The following ANK2 variants were observed in gnomAD, a reference collection of about 807,000 sequenced individuals.
ANK2 encodes the protein ankyrin-2.
In ANK2, 83 loss-of-function variants were observed where a neutral mutation model predicts 360.5. The observed-to-expected ratio is 0.23, with a 90% CI of 0.19 to 0.28. ANK2 has a LOEUF of 0.28. Ranked by LOEUF, ANK2 falls within the 10% of genes least tolerant of loss-of-function variation. The pLI is 1.00. For missense variants in ANK2, 4,201 were observed against 4,795.7 expected, an observed-to-expected ratio of 0.88 and a Z score of 3.66; for synonymous variants, 1,740 against 1,759.5, an observed-to-expected ratio of 0.99 and a Z score of 0.28.
intron 1 of ANK2, among the ~76,000 whole-genome samples, chr4:112,839,971 C>A (rs1324908437): frequency 1.4e-4 from 21 of 152,116 alleles, no homozygotes; most frequent in Admixed American, 1.3e-3. Flanking sequence ...TGAGCTATGG[C>A]CTATTGTTTC....
chr4:113,227,851 T>C (rs888050711), intron 4 of ANK2, among the ~76,000 whole-genome samples: 2 of 152,226 alleles, frequency 1.3e-5, no homozygotes, highest in Non-Finnish European at 2.9e-5. Context: ...TATTAGGTCA[T>C]TTATCATCCA....
chr4:112,795,035 A>G, the ANK2 span, among the ~76,000 whole-genome samples: 1 of 152,314 alleles, frequency 6.6e-6, no homozygotes, highest in South Asian at 2.1e-4. Flanking sequence ...ATGCTGCATA[A>G]TTTTTAATTT....
chr4:113,077,988 TGGG>T (rs33930363), intron 1 of ANK2, among the ~76,000 whole-genome samples: 115,425 of 151,798 alleles, frequency 0.76, 44,183 homozygotes, highest in Non-Finnish European at 0.82. Context: ...TGAGTGCCCT[TGGG>T]GGGAAACTCA....
intron 2 of ANK2, among the ~76,000 whole-genome samples, chr4:112,925,442 C>T (rs1315260057): frequency 6.6e-6 from 1 of 152,074 alleles, no homozygotes; most frequent in Admixed American, 6.5e-5. Context: ...TTTCCTTTTA[C>T]TATTGATACA....
At chr4:113,250,660 G>C (rs2045668836) in intron 10 of ANK2, among the ~76,000 whole-genome samples, 1 of 151,118 alleles carries the variant, frequency 6.6e-6, no homozygotes, top group South Asian at 2.1e-4. Context: ...TGATTAATGT[G>C]ATATGCAGCA....
chr4:112,805,605 C>A, the ANK2 span, among the ~76,000 whole-genome samples: 1 of 145,618 alleles, frequency 6.9e-6, no homozygotes, highest in South Asian at 2.1e-4. Flanking sequence ...TTTTTAAGAC[C>A]GAGTCTCACT....
chr4:113,355,273 A>T lies in ANK2; in HGVS notation c.6655A>T (p.Met2219Leu). The change falls in exon 38 of 46, where the codon ATG becomes TTG. Residue 2219 changes from methionine (M) to leucine (L), a missense_variant. Transcript: ENST00000357077. Reference sequence around the variant, plus strand: ...AGCCGGCTCTCCGTGTGGCAGCCTGATGGAGGGGACCCCTCAGATTAGTTC... The same window carrying T: ...AGCCGGCTCTCCGTGTGGCAGCCTGTTGGAGGGGACCCCTCAGATTAGTTC... ...GVAGSPCGSL[M>L]EGTPQISSEE... 1 of 1,614,072 alleles carries T rather than the reference A, an allele frequency of 6.2e-7. No homozygotes were observed. The highest frequency in any genetic ancestry group is 1.3e-5 in the African/African-American group (1 of 75,032).
At chr4:112,892,256 T>C (rs888070842) in intron 1 of ANK2, among the ~76,000 whole-genome samples, 5 of 152,226 alleles carry the variant, frequency 3.3e-5, no homozygotes, top group Non-Finnish European at 5.9e-5. Context: ...ATTGGTGTTA[T>C]GTGCTAGAAA....
At chr4:113,233,301 AT>A (rs987943495) in intron 5 of ANK2, among the ~76,000 whole-genome samples, 10 of 148,538 alleles carry the variant, frequency 6.7e-5, no homozygotes, top group South Asian at 2.2e-4. Flanking sequence ...CGCCCGGCTA[AT>A]TTTTTTGTAT....
chr4:113,355,661 C>A lies in ANK2; in HGVS notation c.7043C>A (p.Ala2348Asp). The change falls in exon 38 of 46, where the codon GCC becomes GAC. Residue 2348 changes from alanine to aspartate, a missense_variant. By Grantham distance (126) the Ala-to-Asp change is moderately radical. This residue lies in a region of ANK2 where 2,642 missense variants were observed against 2,714.5 expected (regional missense o/e 0.97). Coordinates refer to ENST00000357077, the MANE Select transcript of ANK2 (RefSeq NM_001148.6). ...CCTACAGGACTGACTGAGGAGGCAG[C>A]CTGTGATGAAGGTCAACGTACCTTT... ...ETPTGLTEEAACDEGQRTFGS... is the reference protein window; with the variant it reads ...ETPTGLTEEADCDEGQRTFGS... 1 of 1,614,110 alleles carries A rather than the reference C, an allele frequency of 6.2e-7. No individual in the cohort carries two copies.
chr4:113,261,168 C>T (rs2052677119), intron 13 of ANK2, among the ~76,000 whole-genome samples: 1 of 152,102 alleles, frequency 6.6e-6, no homozygotes, highest in Admixed American at 6.5e-5. Flanking sequence ...GTACCAGTAA[C>T]TCAATCACGT....
At chr4:113,014,968 C>G (rs971541948) in intron 2 of ANK2, among the ~76,000 whole-genome samples, 11 of 149,672 alleles carry the variant, frequency 7.3e-5, no homozygotes, top group African/African-American at 2.7e-4. Context: ...ACGCCATTCT[C>G]CTGCCTCAGC....
intron 26 of ANK2, among the ~76,000 whole-genome samples, chr4:113,323,066 C>G (rs1227724314): frequency 6.6e-6 from 1 of 151,966 alleles, no homozygotes. Context: ...CTTGTGAAAG[C>G]TTATGGAGGG....
chr4:113,060,840 A>G (rs770763982), intron 1 of ANK2, among the ~76,000 whole-genome samples: 5 of 152,090 alleles, frequency 3.3e-5, no homozygotes, highest in Non-Finnish European at 7.4e-5. Context: ...AACACTGAAG[A>G]ATGAAGCTTT....
intron 14 of ANK2, among the ~76,000 whole-genome samples, chr4:113,266,696 G>A (rs1015553812): frequency 2.0e-5 from 3 of 152,180 alleles, no homozygotes; most frequent in African/African-American, 7.2e-5. Context: ...TGACCAACAT[G>A]GAGAAACCCT....
chr4:113,303,511 G>A (rs539841259), intron 23 of ANK2, among the ~76,000 whole-genome samples: 1 of 152,344 alleles, frequency 6.6e-6, no homozygotes, highest in South Asian at 2.1e-4. Context: ...TGGAGTGGGT[G>A]TGTGACATTG....
At position 113,237,025 on chromosome 4, in the gene ANK2, A is replaced by G. The variant is rs781072009; in HGVS notation, c.522A>G (p.Gly174=). The change falls in exon 6 of 46, where the codon GGA becomes GGG. Residue 174 remains glycine, a synonymous_variant. Transcript: ENST00000357077. ...FTPLAVALQQ[G]HNQAVAILLE... ...CTCTAGCTGTGGCACTCCAGCAAGG[A>G]CACAACCAGGCGGTGGCCATCCTCT... The G allele has an allele frequency of 1.9e-6, 3 of 1,614,196 alleles. No homozygotes were observed. The highest frequency in any genetic ancestry group is 2.5e-6 in the Non-Finnish European group (3 of 1,180,022).
At chr4:113,110,389 C>T (rs72673409) in intron 1 of ANK2, among the ~76,000 whole-genome samples, 98 of 152,146 alleles carry the variant, frequency 6.4e-4, no homozygotes, top group Non-Finnish European at 1.2e-3. Flanking sequence ...GTGGTCAAAC[C>T]GTATCTCATG....
At chr4:113,370,071 G>A (rs542421392) in intron 43 of ANK2, among the ~76,000 whole-genome samples, 4 of 152,240 alleles carry the variant, frequency 2.6e-5, no homozygotes, top group South Asian at 2.1e-4. Flanking sequence ...AAATGAATAC[G>A]GTGGTGAAAC....
Sources: allele counts gnomAD v4.1 joint callset (sites outside exome capture counted in the v4.1 genomes callset), GRCh38; gene constraint gnomAD v4.1.1; regional missense constraint gnomAD v4.1.1; transcripts MANE v1.5; gene names NCBI Gene and HGNC (gene_info 2026-07-23, HGNC 2026-07-21).